FREM1: variants seen among roughly 807,000 people sequenced by gnomAD.
FREM1 encodes FRAS1-related extracellular matrix protein 1.
Under a neutral mutation model 210.1 loss-of-function variants are expected in FREM1, and 220 were observed. The ratio of observed to expected loss-of-function variants is 1.05; its 90% CI spans 0.94 to 1.17. The LOEUF is 1.17. Among genes scored for constraint, FREM1 ranks in the 50% most tolerant of loss-of-function variants. FREM1 has a pLI of 0.00. For synonymous variants in FREM1, 1,189 were observed against 980.2 expected, an observed-to-expected ratio of 1.21 and a Z score of -3.98; for missense variants, 3,454 against 2,675.5, an observed-to-expected ratio of 1.29 and a Z score of -6.42.
intron 4 of FREM1, 67 bp downstream of exon 4, chr9:14,859,116 G>A (rs1224989770): frequency 3.9e-6 from 5 of 1,286,504 alleles, no homozygotes; most frequent in Admixed American, 5.0e-5. Context: ...CATGGTGGAA[G>A]GTGAGCATGC....
At chr9:14,770,244 T>TA (rs1214667585) in intron 26 of FREM1, among the ~76,000 whole-genome samples, 1 of 151,990 alleles carries the variant, frequency 6.6e-6, no homozygotes, top group Non-Finnish European at 1.5e-5. Flanking sequence ...CAAGAACTTT[T>TA]AAAAAAAGAT....
chr9:14,860,580 T>TACATATATACACATATATAC lies in FREM1; in HGVS notation c.330-1097_330-1096insGTATATATGTGTATATATGT, dbSNP rs1588425044. ...ACACACATATATATACACATATATA[T>TACATATATACACATATATAC]ACACATATATATACATATATACACA... On this transcript the variant is annotated intron_variant, in intron 3 of 36. Coordinates refer to ENST00000380880, the MANE Select transcript of FREM1 (RefSeq NM_001379081.2). Among the ~76,000 whole-genome samples the TACATATATACACATATATAC allele has an allele frequency of 6.5e-5, 9 of 138,496 alleles. No homozygotes were observed. In the East Asian group the frequency reaches 1.7e-3, roughly 26 times the overall value. The allele number at this position is 138,496 out of a possible 152,430, so 90.9% of individuals were successfully genotyped here.
rs937768827 is a variant in FREM1 at position 14,820,331 on chromosome 9, G to A, written c.2338-889C>T. Among the ~76,000 whole-genome samples, 8 of 152,282 alleles carry A rather than the reference G, an allele frequency of 5.3e-5. No individual in the cohort carries two copies. The East Asian group carries it at 1.5e-3, about 29-fold the overall frequency. On this transcript the variant is annotated intron_variant, in intron 13 of 36. Coordinates refer to ENST00000380880, the MANE Select transcript of FREM1 (RefSeq NM_001379081.2). ...AGAAGTGAAAGCAAGCAGATACAGT[G>A]GGGTACCAAATCACGGGCTCTGAGG...
intron 17 of FREM1, among the ~76,000 whole-genome samples, chr9:14,807,655 G>C (rs1425476088): frequency 7.1e-6 from 1 of 140,418 alleles, no homozygotes. Context: ...TGTTGTCCTT[G>C]TCCCAACACA....
rs764568190 is a variant in FREM1, at chr9:14,859,204, G to C, written c.610C>G (p.His204Asp). The change falls in exon 4 of 37, where the codon CAC becomes GAC. Residue 204 changes from histidine to aspartate, a missense_variant. Coordinates refer to ENST00000380880, the MANE Select transcript of FREM1 (RefSeq NM_001379081.2). ...RPEEPRGDQPHSFFPESQLRA... is the reference protein window; with the variant it reads ...RPEEPRGDQPDSFFPESQLRA... ...ATACGGGACTCTGGGAAAAAACTGT[G>C]TGGCTGATCTCCACGAGGTTCTTCT... The C allele has an allele frequency of 9.4e-6, 15 of 1,591,184 alleles. No homozygotes were observed. The highest frequency in any genetic ancestry group is 1.3e-5 in the Non-Finnish European group (15 of 1,168,788).
At chr9:14,823,671 T>C (rs1167814911) in intron 12 of FREM1, among the ~76,000 whole-genome samples, 1 of 152,214 alleles carries the variant, frequency 6.6e-6, no homozygotes, top group Non-Finnish European at 1.5e-5. Context: ...CAGTTCATGG[T>C]ATATTGTTGT....
intron 16 of FREM1, among the ~76,000 whole-genome samples, chr9:14,809,463 T>C (rs1818991929): frequency 6.6e-6 from 1 of 152,136 alleles, no homozygotes; most frequent in Non-Finnish European, 1.5e-5. Context: ...TATTTCCCGT[T>C]TAAAAATGAC....
At chr9:14,852,234 G>A (rs1052845952) in intron 5 of FREM1, among the ~76,000 whole-genome samples, 5 of 152,204 alleles carry the variant, frequency 3.3e-5, no homozygotes, top group Non-Finnish European at 7.3e-5. Context: ...TTAAGACCCT[G>A]GATCTTCAAG....
chr9:14,784,503 G>T lies in FREM1; in HGVS notation c.4309C>A (p.Pro1437Thr). The T allele has an allele frequency of 6.2e-7, 1 of 1,613,916 alleles. No individual in the cohort carries two copies. Among genetic ancestry groups the T allele is most frequent in the South Asian group, 1.1e-5 (1 of 91,078 alleles). Residue 1437 changes from proline (P) to threonine (T), a missense_variant, in exon 24 of 37, where the codon CCG becomes ACG. Coordinates refer to ENST00000380880, the MANE Select transcript of FREM1 (RefSeq NM_001379081.2). ...EELLYVITSP[P>T]RYGQIEYVHY... ...ACATATTCGATCTGGCCATATCGCGGAGGGGAGGTGATGACATAGAGCAGT... is the reference window on the plus strand; with the variant it reads ...ACATATTCGATCTGGCCATATCGCGTAGGGGAGGTGATGACATAGAGCAGT...
Position 14,795,060 on chromosome 9 carries a change from A to T in FREM1, c.3840-2176T>A, listed in dbSNP as rs375879127. ...AAAAATAATAAAGTGGAGATTGGAGAAAGTGGGCAGAAATGGAACTCTTCC... is the reference window on the plus strand; with the variant it reads ...AAAAATAATAAAGTGGAGATTGGAGTAAGTGGGCAGAAATGGAACTCTTCC... On this transcript the variant is annotated intron_variant, in intron 21 of 36. Transcript: ENST00000380880. Among the ~76,000 whole-genome samples the T allele has an allele frequency of 1.4e-4, 22 of 152,098 alleles. No homozygotes were observed. In the East Asian group the frequency reaches 3.9e-3, roughly 27 times the overall value.
intron 5 of FREM1, 153 bp from the exon 6 acceptor site, chr9:14,851,760 A>T: frequency 2.9e-6 from 2 of 687,476 alleles, no homozygotes; most frequent in South Asian, 1.7e-5. Flanking sequence ...GGGGAGCTTT[A>T]AACACATGCT....
chr9:14,750,739 A>G (rs1042150471), intron 29 of FREM1, among the ~76,000 whole-genome samples: 2 of 152,184 alleles, frequency 1.3e-5, no homozygotes, highest in Admixed American at 6.5e-5. Flanking sequence ...TCATTTCTAA[A>G]GACAGCTGCC....
chr9:14,864,988 T>A (rs1831246421), intron 2 of FREM1, among the ~76,000 whole-genome samples: 1 of 152,240 alleles, frequency 6.6e-6, no homozygotes. Flanking sequence ...CTGTTTTATG[T>A]TTCATAATAT....
At chr9:14,752,851 A>C (rs954232808) in intron 29 of FREM1, among the ~76,000 whole-genome samples, 3 of 151,976 alleles carry the variant, frequency 2.0e-5, no homozygotes, top group Non-Finnish European at 4.4e-5. Flanking sequence ...AGTACCCCCC[A>C]AACAAACAAA....
intron 6 of FREM1, chr9:14,850,567 T>C (rs1406655207): frequency 6.6e-6 from 1 of 151,668 alleles, no homozygotes; most frequent in African/African-American, 2.4e-5. Flanking sequence ...CCTGTCGGGG[T>C]TGGGGGTGGA....
chr9:14,828,890 G>C (rs10961736), intron 10 of FREM1, among the ~76,000 whole-genome samples: 1 of 151,988 alleles, frequency 6.6e-6, no homozygotes. Flanking sequence ...GGAATTTGAC[G>C]GTACAGTTAT....
chr9:14,824,958 T>C lies in FREM1; in HGVS notation c.1916A>G (p.Gln639Arg), dbSNP rs1344859881. Residue 639 changes from glutamine to arginine, a missense_variant, in exon 11 of 37, where the codon CAG (glutamine) becomes CGG (arginine). By Grantham distance (43) the Gln-to-Arg change is conservative (BLOSUM62 1). Coordinates refer to ENST00000380880, the MANE Select transcript of FREM1 (RefSeq NM_001379081.2). ...AACTCCAGGAGCCTCTTTTGGAAGC[T>C]GGTCATCCACTGGAGTTATATGGAT... The part of the protein sequence containing the change: ...ATIHITPVDD[Q>R]LPKEAPGVSR... 1.2e-6 allele frequency: 2 copies of C among 1,604,666 alleles called. No individual in the cohort carries two copies. The highest frequency in any genetic ancestry group is 1.3e-5 in the African/African-American group (1 of 74,096).
At chr9:14,890,967 T>C (rs923556043) in intron 1 of FREM1, among the ~76,000 whole-genome samples, 1 of 152,224 alleles carries the variant, frequency 6.6e-6, no homozygotes, top group Non-Finnish European at 1.5e-5. Context: ...GTTGCTTTAA[T>C]TGAATAACTT....
intron 27 of FREM1, among the ~76,000 whole-genome samples, chr9:14,765,507 G>A (rs1172152093): frequency 3.9e-5 from 6 of 152,184 alleles, no homozygotes; most frequent in South Asian, 4.1e-4. Context: ...TACACAGTGG[G>A]TGCCCAATAA....
Sources: allele counts gnomAD v4.1 joint callset (sites outside exome capture counted in the v4.1 genomes callset), GRCh38; gene constraint gnomAD v4.1.1; transcripts MANE v1.5; gene names NCBI Gene and HGNC (gene_info 2026-07-23, HGNC 2026-07-21).